PCSK1: variants seen among roughly 807,000 people sequenced by gnomAD.
PCSK1 encodes neuroendocrine convertase 1.
Under a neutral mutation model 90.6 loss-of-function variants are expected in PCSK1, and 56 were observed. The observed-to-expected ratio is 0.62, with a 90% CI of 0.50 to 0.77. The LOEUF is 0.77. Among genes scored for constraint, PCSK1 ranks in the 30% least tolerant of loss-of-function variants. The pLI, the probability that PCSK1 is intolerant of heterozygous loss-of-function variation, is 0.00. For synonymous variants in PCSK1, 348 were observed against 342.4 expected, an observed-to-expected ratio of 1.02 and a Z score of -0.18; for missense variants, 801 against 932.6, an observed-to-expected ratio of 0.86 and a Z score of 1.84.
intron 10 of PCSK1, 77 bp from the exon 11 acceptor site, chr5:96,399,113 A>AGTCAAGATTGATGC: frequency 9.7e-7 from 1 of 1,029,242 alleles, no homozygotes; most frequent in Non-Finnish European, 1.5e-6. Context: ...TGCATGCATC[A>AGTCAAGATTGATGC]ATCTTGACTA....
intron 4 of PCSK1, among the ~76,000 whole-genome samples, chr5:96,423,072 C>T (rs2112440031): frequency 6.6e-6 from 1 of 152,250 alleles, no homozygotes; most frequent in Middle Eastern, 3.4e-3. Context: ...AGGCACTGCC[C>T]CTTCTTCTCC....
chr5:96,418,302 C>T (rs1760998672), intron 5 of PCSK1, among the ~76,000 whole-genome samples: 1 of 152,172 alleles, frequency 6.6e-6, no homozygotes, highest in Admixed American at 6.5e-5. Flanking sequence ...TATCTTAGAA[C>T]AATGGTAGTA....
chr5:96,423,493 T>C (rs923827279), intron 3 of PCSK1, 34 bp from the exon 4 acceptor site: 1 of 1,609,998 alleles, frequency 6.2e-7, no homozygotes, highest in East Asian at 2.2e-5. Context: ...ATTGATAAAA[T>C]TATCATTTGC....
At chr5:96,395,149 A>G (rs778487733) in intron 12 of PCSK1, 124 bp from the exon 13 acceptor site, 8 of 831,508 alleles carry the variant, frequency 9.6e-6, no homozygotes, top group Non-Finnish European at 1.6e-5. Flanking sequence ...ATTTCATGTG[A>G]AAGAAACCAT....
At chr5:96,425,040 G>GAAAGAAAA (rs1761254607) in intron 3 of PCSK1, among the ~76,000 whole-genome samples, 3 of 140,240 alleles carry the variant, frequency 2.1e-5, no homozygotes, top group Admixed American at 7.7e-5. Context: ...AAGAAAGAAA[G>GAAAGAAAA]AAAGAAAGAA....
Position 96,421,964 on chromosome 5 carries a change from G to T in PCSK1, c.544-8C>A. 6.1e-6 allele frequency: 4 copies of T among 658,168 alleles called. No individual in the cohort carries two copies. The highest frequency in any genetic ancestry group is 2.3e-5 in the South Asian group (1 of 44,196). 40.8% of individuals were successfully genotyped at this position (658,168 alleles called of 1,614,324 possible). A position where few individuals can be genotyped will look rare whatever the true frequency, so the allele number is the denominator to read the frequency against. On this transcript the variant is annotated splice_region_variant and splice_polypyrimidine_tract_variant and intron_variant, in intron 4 of 13. Transcript: ENST00000311106. ...ATAGCTAGCCTCTGGATCCTAAAGA[G>T]ACAACAAAATATAACACTGTGGCAG...
At position 96,400,175 on chromosome 5, in the gene PCSK1, G is replaced by T. The variant is rs1230695674; in HGVS notation, c.1208C>A (p.Thr403Asn). Residue 403 changes from threonine (T) to asparagine (N), a missense_variant, in exon 10 of 14, where the codon ACC becomes AAC. Physicochemically the swap from Thr to Asn is moderately conservative, Grantham distance 65 (BLOSUM62 0). Coordinates refer to ENST00000311106, the MANE Select transcript of PCSK1 (RefSeq NM_000439.5). ...AACCAGGTGCTGCATATCTCGCCAG[G>T]TGAGATTTGGGCTGGAGGGGAAGTG... ...ALALEANPNLTWRDMQHLVVW... is the reference protein window; with the variant it reads ...ALALEANPNLNWRDMQHLVVW... 1.9e-6 allele frequency: 3 copies of T among 1,613,624 alleles called. No homozygotes were observed. The South Asian group carries it at 3.3e-5, about 18-fold the overall frequency.
rs759896703 is a variant in PCSK1, at chr5:96,408,310, AGGTCAGCGCT to A, written c.1099_1108del (p.Ser367CysfsTer64). 1 of 1,613,784 alleles carries A rather than the reference AGGTCAGCGCT, an allele frequency of 6.2e-7. No homozygotes were observed. The highest frequency in any genetic ancestry group is 8.5e-7 in the Non-Finnish European group (1 of 1,179,740). ...GTGCGTCTCCGTGCAGTCATTGTGC[AGGTCAGCGCT>A]CGTCTGGATGACGTCAGGAAGGAGA... On this transcript the variant is annotated frameshift_variant, in exon 9 of 14. Transcript: ENST00000311106. LOFTEE classifies it high-confidence loss of function.
At position 96,433,184 on chromosome 5, in the gene PCSK1, G is replaced by T; in HGVS notation, c.-142C>A. 1 of 791,672 alleles carries T rather than the reference G, an allele frequency of 1.3e-6. No homozygotes were observed. Among genetic ancestry groups the T allele is most frequent in the Non-Finnish European group, 2.1e-6 (1 of 465,784 alleles). The allele number at this position is 791,672 out of a possible 1,614,324, so 49.0% of individuals were successfully genotyped here. The stretch of plus-strand genomic sequence containing the variant: ...CTGGTTGCTCTGCGAAGAGCTAGGA[G>T]GCGCGAGAGGAGAGGCTGGGCGGCG... On this transcript the variant is annotated 5_prime_UTR_variant, in exon 1 of 14. Transcript: ENST00000311106.
In PCSK1 at chr5:96,390,380, A is replaced by C. The variant is rs1391333081; in HGVS notation, c.*2621T>G. The C allele has an allele frequency of 1.3e-5, 2 of 152,168 alleles. No individual in the cohort carries two copies. Among genetic ancestry groups the C allele is most frequent in the African/African-American group, 2.4e-5 (1 of 41,428 alleles). 9.4% of individuals were successfully genotyped at this position (152,168 alleles called of 1,614,324 possible). On this transcript the variant is annotated 3_prime_UTR_variant, in exon 14 of 14. Transcript: ENST00000311106. The stretch of plus-strand genomic sequence containing the variant: ...TTTTTCTTTTGACTTAGTGAGAAAC[A>C]ATTTATTTTTCTGATTTATAAGCAT...
intron 7 of PCSK1, 53 bp downstream of exon 7, chr5:96,412,265 C>T: frequency 6.5e-6 from 9 of 1,375,356 alleles, no homozygotes; most frequent in South Asian, 4.6e-5. Context: ...TCCTTCTCCT[C>T]ATATCCAGAT....
Position 96,423,452 on chromosome 5 carries a change from G to A in PCSK1, c.404C>T (p.Thr135Ile), listed in dbSNP as rs376953881. The change falls in exon 4 of 14, where the codon ACC becomes ATC. Residue 135 changes from threonine (T) to isoleucine (I), a missense_variant. By Grantham distance (89) the Thr-to-Ile change is moderately conservative (BLOSUM62 -1). Transcript: ENST00000311106. Reference protein sequence around the residue: ...MWNQQWYLQDTRMTAALPKLD... With the variant: ...MWNQQWYLQDIRMTAALPKLD... ...CTTGGGCAGGGCTGCCGTCATCCTG[G>A]TATCTTGCTGGTAAAGAAAAACAAC... 6.2e-7 allele frequency: 1 copy of A among 1,613,874 alleles called. No individual in the cohort carries two copies. Among genetic ancestry groups the A allele is most frequent in the African/African-American group, 1.3e-5 (1 of 74,932 alleles).
intron 2 of PCSK1, among the ~76,000 whole-genome samples, chr5:96,428,681 A>G (rs1193432693): frequency 6.6e-6 from 1 of 152,220 alleles, no homozygotes; most frequent in African/African-American, 2.4e-5. Flanking sequence ...ATGGATTTAC[A>G]GTTCTCTCAT....
chr5:96,425,926 A>C lies in PCSK1; in HGVS notation c.290T>G (p.Ile97Arg). The change falls in exon 3 of 14, where the codon ATA becomes AGA. Residue 97 changes from isoleucine (I) to arginine (R), a missense_variant. Transcript: ENST00000311106. Reference protein sequence around the residue: ...TKRLSDDDRVIWAEQQYEKER... With the variant: ...TKRLSDDDRVRWAEQQYEKER... ...TTTTTCATACTGTTGTTCAGCCCATATCACCTACAAGGATTTTTATAGCAA... is the reference window on the plus strand; with the variant it reads ...TTTTTCATACTGTTGTTCAGCCCATCTCACCTACAAGGATTTTTATAGCAA... The C allele has an allele frequency of 6.3e-7, 1 of 1,593,710 alleles. No individual in the cohort carries two copies. Among genetic ancestry groups the C allele is most frequent in the South Asian group, 1.1e-5 (1 of 90,702 alleles).
intron 5 of PCSK1, among the ~76,000 whole-genome samples, chr5:96,416,852 C>T (rs1760952464): frequency 6.6e-6 from 1 of 152,216 alleles, no homozygotes; most frequent in Non-Finnish European, 1.5e-5. Flanking sequence ...AAAAATGCGT[C>T]TTCCAAACAC....
intron 1 of PCSK1, among the ~76,000 whole-genome samples, chr5:96,430,427 C>G (rs1043183300): frequency 9.2e-5 from 14 of 152,172 alleles, no homozygotes; most frequent in Non-Finnish European, 1.5e-4. Context: ...AGGCCCTGCT[C>G]CAAGCCTGAA....
chr5:96,413,728 A>T (rs1760845862), intron 6 of PCSK1, among the ~76,000 whole-genome samples: 1 of 148,928 alleles, frequency 6.7e-6, no homozygotes, highest in East Asian at 2.0e-4. Flanking sequence ...TGAACCTGGG[A>T]GGCAGAGGTT....
intron 8 of PCSK1, 52 bp downstream of exon 8, chr5:96,410,722 G>T (rs1213153082): frequency 1.4e-6 from 2 of 1,398,978 alleles, no homozygotes; most frequent in Non-Finnish European, 2.0e-6. Flanking sequence ...CATTTCACAT[G>T]CATGCCACGC....
chr5:96,429,128 G>T, intron 2 of PCSK1, 85 bp downstream of exon 2: 2 of 753,428 alleles, frequency 2.7e-6, no homozygotes, highest in Non-Finnish European at 4.6e-6. Context: ...AACCACATTT[G>T]CAAAATGCTT....
Sources: allele counts gnomAD v4.1 joint callset (sites outside exome capture counted in the v4.1 genomes callset), GRCh38; gene constraint gnomAD v4.1.1; transcripts MANE v1.5; gene names NCBI Gene and HGNC (gene_info 2026-07-23, HGNC 2026-07-21).